CCDC148: variants seen among roughly 807,000 people sequenced by gnomAD.
CCDC148 encodes coiled-coil domain containing 148.
Under a neutral mutation model 85.7 loss-of-function variants are expected in CCDC148, and 89 were observed. That is an observed-to-expected ratio of 1.04 (90% confidence interval 0.87 to 1.24). CCDC148 has a LOEUF of 1.24. CCDC148 is among the 50% of genes most tolerant of loss of function. CCDC148 has a pLI of 0.00. For synonymous variants in CCDC148, 230 were observed against 213.9 expected, an observed-to-expected ratio of 1.08 and a Z score of -0.66; for missense variants, 692 against 671.7, an observed-to-expected ratio of 1.03 and a Z score of -0.33.
At chr2:158,278,373 C>T (rs1235436147) in intron 9 of CCDC148, among the ~76,000 whole-genome samples, 1 of 152,096 alleles carries the variant, frequency 6.6e-6, no homozygotes, top group Non-Finnish European at 1.5e-5. Flanking sequence ...CTTTCCTAGT[C>T]AAAGAAAGGG....
intron 9 of CCDC148, among the ~76,000 whole-genome samples, chr2:158,268,023 T>G (rs528614803): frequency 1.1e-4 from 17 of 152,298 alleles, no homozygotes; most frequent in African/African-American, 4.1e-4. Flanking sequence ...TTGTTTCCAG[T>G]TTTTGATGAT....
intron 1 of CCDC148, among the ~76,000 whole-genome samples, chr2:158,405,214 C>T (rs1202032247): frequency 6.6e-6 from 1 of 152,090 alleles, no homozygotes; most frequent in African/African-American, 2.4e-5. Context: ...TCCTTGTATA[C>T]ATTCTGACAT....
intron 10 of CCDC148, among the ~76,000 whole-genome samples, chr2:158,239,149 A>G (rs1274071363): frequency 1.3e-5 from 2 of 152,190 alleles, no homozygotes; most frequent in African/African-American, 2.4e-5. Flanking sequence ...TCAAATCCCT[A>G]TGAATAATCA....
At chr2:158,435,549 C>A (rs1294720374) in intron 1 of CCDC148, among the ~76,000 whole-genome samples, 2 of 152,114 alleles carry the variant, frequency 1.3e-5, no homozygotes, top group Non-Finnish European at 2.9e-5. Flanking sequence ...ACCATCAATG[C>A]TAGGAAGAAA....
At chr2:158,212,286 A>C (rs6718403) in intron 11 of CCDC148, among the ~76,000 whole-genome samples, 10,894 of 152,270 alleles carry the variant, frequency 0.072, 571 homozygotes, top group African/African-American at 0.15. Flanking sequence ...AGAAGCAAAA[A>C]CATGACAAAT....
intron 11 of CCDC148, among the ~76,000 whole-genome samples, chr2:158,209,405 T>C (rs1003949252): frequency 7.2e-5 from 11 of 152,202 alleles, no homozygotes; most frequent in African/African-American, 2.7e-4. Context: ...CCTAAGAAGT[T>C]AGTAATAAAG....
chr2:158,362,247 G>C (rs1009928551), intron 1 of CCDC148, among the ~76,000 whole-genome samples: 2 of 152,018 alleles, frequency 1.3e-5, no homozygotes, highest in African/African-American at 4.8e-5. Context: ...ACACCCTACT[G>C]TCAATATTAG....
At chr2:158,231,164 G>A (rs1687838880) in intron 10 of CCDC148, among the ~76,000 whole-genome samples, 1 of 152,132 alleles carries the variant, frequency 6.6e-6, no homozygotes, top group Non-Finnish European at 1.5e-5. Flanking sequence ...GACACCAGAG[G>A]ACTGGATGAG....
At chr2:158,174,051 C>G (rs1473870258) in intron 13 of CCDC148, among the ~76,000 whole-genome samples, 2 of 152,004 alleles carry the variant, frequency 1.3e-5, no homozygotes, top group African/African-American at 4.8e-5. Context: ...CAAATTCTCT[C>G]TTTCCCTAAA....
At chr2:158,190,154 T>C (rs1685352651) in intron 11 of CCDC148, among the ~76,000 whole-genome samples, 1 of 152,084 alleles carries the variant, frequency 6.6e-6, no homozygotes, top group South Asian at 2.1e-4. Context: ...TGTCAGTTCC[T>C]TTTGAGAATA....
At chr2:158,281,776 A>C (rs1392123156) in intron 9 of CCDC148, among the ~76,000 whole-genome samples, 1 of 152,228 alleles carries the variant, frequency 6.6e-6, no homozygotes, top group African/African-American at 2.4e-5. Context: ...AACTCATTTT[A>C]TGAGGCCAGC....
intron 8 of CCDC148, among the ~76,000 whole-genome samples, 177 bp from the exon 9 acceptor site, chr2:158,309,816 A>G (rs994500407): frequency 1.3e-5 from 2 of 152,216 alleles, no homozygotes; most frequent in Non-Finnish European, 2.9e-5. Context: ...AAAATTCTGA[A>G]CCCATGGCTA....
intron 9 of CCDC148, among the ~76,000 whole-genome samples, chr2:158,261,716 C>A (rs997491532): frequency 6.6e-6 from 1 of 151,974 alleles, no homozygotes; most frequent in Non-Finnish European, 1.5e-5. Context: ...TGAACAGATA[C>A]TTTTCAAAAG....
At chr2:158,429,366 TA>T (rs1687229312) in intron 1 of CCDC148, among the ~76,000 whole-genome samples, 1 of 138,488 alleles carries the variant, frequency 7.2e-6, no homozygotes, top group African/African-American at 2.6e-5. Flanking sequence ...CATGAATAGA[TA>T]GATAGATAGA....
intron 11 of CCDC148, among the ~76,000 whole-genome samples, chr2:158,195,392 G>T (rs1384127537): frequency 1.3e-5 from 2 of 152,074 alleles, no homozygotes; most frequent in Non-Finnish European, 2.9e-5. Context: ...ACTTATGAAT[G>T]CTTCAGTCAT....
chr2:158,313,559 C>T (rs1041931622), intron 8 of CCDC148, among the ~76,000 whole-genome samples, 197 bp downstream of exon 8: 3 of 152,210 alleles, frequency 2.0e-5, no homozygotes, highest in Non-Finnish European at 4.4e-5. Flanking sequence ...GGGGGCCCCC[C>T]ACCTCGTTAT....
chr2:158,351,281 T>C (rs991811265), intron 2 of CCDC148, among the ~76,000 whole-genome samples: 4 of 152,034 alleles, frequency 2.6e-5, no homozygotes, highest in South Asian at 2.1e-4. Context: ...CCAGCGTGAG[T>C]GACGCAGAAG....
At chr2:158,438,581 C>T (rs370549895) in intron 1 of CCDC148, among the ~76,000 whole-genome samples, 9 of 151,686 alleles carry the variant, frequency 5.9e-5, no homozygotes, top group Admixed American at 5.9e-4. Context: ...ACTTCATGTC[C>T]AAAACACCAA....
At chr2:158,287,049 G>C (rs1404064102) in intron 9 of CCDC148, among the ~76,000 whole-genome samples, 1 of 152,264 alleles carries the variant, frequency 6.6e-6, no homozygotes, top group South Asian at 2.1e-4. Context: ...TTACATGGTG[G>C]TGGCAGGAGA....
Sources: allele counts gnomAD v4.1 joint callset (sites outside exome capture counted in the v4.1 genomes callset), GRCh38; gene constraint gnomAD v4.1.1; transcripts MANE v1.5; gene names NCBI Gene and HGNC (gene_info 2026-07-23, HGNC 2026-07-21).